Variants in CUX1 observed in about 807,000 individuals in gnomAD.
CUX1 encodes the protein cut like homeobox 1.
In CUX1, 31 loss-of-function variants were observed where a neutral mutation model predicts 158.8. The ratio of observed to expected loss-of-function variants is 0.20; its 90% CI spans 0.15 to 0.26. The LOEUF (loss-of-function observed/expected upper bound fraction) is 0.26. Ranked by LOEUF, CUX1 falls within the 10% of genes least tolerant of loss-of-function variation. The pLI is 1.00. For synonymous variants in CUX1, 879 were observed against 862.1 expected (o/e 1.02, Z -0.34); for missense variants, 1,589 against 2,014.6 (o/e 0.79, Z 4.04).
chr7:102,171,318 G>T (rs1408083849), intron 10 of CUX1, among the ~76,000 whole-genome samples: 1 of 152,144 alleles, frequency 6.6e-6, no homozygotes, highest in East Asian at 1.9e-4. Context: ...TGGGGGGTTG[G>T]TGCGAAAGTT....
chr7:102,042,956 A>AT (rs1204097231), intron 3 of CUX1, among the ~76,000 whole-genome samples: 7 of 151,560 alleles, frequency 4.6e-5, no homozygotes, highest in Admixed American at 2.0e-4. Context: ...CTAATTTTAT[A>AT]TTTTTTCGAT....
chr7:102,165,205 C>G (rs1383951276), intron 9 of CUX1, among the ~76,000 whole-genome samples: 1 of 152,114 alleles, frequency 6.6e-6, no homozygotes, highest in Non-Finnish European at 1.5e-5. Context: ...CTGTCTTTAT[C>G]CTCTGCAAGC....
chr7:102,255,284 T>G lies in CUX1; in HGVS notation c.*6242T>G. The G allele has an allele frequency of 1.0e-6, 1 of 985,372 alleles. No individual in the cohort carries two copies. Among genetic ancestry groups the G allele is most frequent in the Non-Finnish European group, 1.2e-6 (1 of 829,940 alleles). 61.0% of individuals were successfully genotyped at this position (985,372 alleles called of 1,614,324 possible). A position where few individuals can be genotyped will look rare whatever the true frequency, so the allele number is the denominator to read the frequency against. ...CGTGGCATCATCTCGAGTTTTCATT[T>G]TTGGATGAAGTGACATTTAGCTTTA... On this transcript the variant is annotated 3_prime_UTR_variant, in exon 24 of 24. Coordinates refer to ENST00000292535, the MANE Select transcript of CUX1 (RefSeq NM_181552.4).
At chr7:102,170,189 G>A (rs442030) in intron 9 of CUX1, among the ~76,000 whole-genome samples, 10,111 of 152,236 alleles carry the variant, frequency 0.066, 391 homozygotes, top group African/African-American at 0.084. Context: ...TCAGTGGGCC[G>A]GAGTATTAGT....
Position 102,256,598 on chromosome 7 carries a change from A to G in CUX1, c.*7556A>G, listed in dbSNP as rs1789918050. Reference sequence around the variant, plus strand: ...GGTCTCTATGTGTCTAACTTTTTAAATGAGAGTGTTTATGAACAAAAAAAT... The same window carrying G: ...GGTCTCTATGTGTCTAACTTTTTAAGTGAGAGTGTTTATGAACAAAAAAAT... On this transcript the variant is annotated 3_prime_UTR_variant, in exon 24 of 24. Transcript: ENST00000292535. 3.0e-6 allele frequency: 3 copies of G among 985,374 alleles called. No individual in the cohort carries two copies. The highest frequency in any genetic ancestry group is 3.6e-6 in the Non-Finnish European group (3 of 829,922). 61.0% of individuals were successfully genotyped at this position (985,374 alleles called of 1,614,324 possible).
chr7:102,134,914 T>C (rs1172116577), intron 8 of CUX1, among the ~76,000 whole-genome samples: 4 of 152,130 alleles, frequency 2.6e-5, no homozygotes, highest in African/African-American at 9.7e-5. Flanking sequence ...TTTTACTCTT[T>C]GTGTGTTTCC....
chr7:102,019,739 TG>T (rs1563138897), intron 2 of CUX1, among the ~76,000 whole-genome samples: 1 of 152,146 alleles, frequency 6.6e-6, no homozygotes, highest in Non-Finnish European at 1.5e-5. Context: ...GCATCAGCAT[TG>T]GAGACTCTGC....
At chr7:102,123,150 G>A (rs981633848) in intron 8 of CUX1, among the ~76,000 whole-genome samples, 9 of 151,976 alleles carry the variant, frequency 5.9e-5, no homozygotes, top group Non-Finnish European at 8.8e-5. Flanking sequence ...ATAATTGCTT[G>A]AACTTAGGAG....
intron 1 of CUX1, among the ~76,000 whole-genome samples, chr7:101,843,369 A>T (rs751298297): frequency 6.6e-6 from 1 of 152,194 alleles, no homozygotes; most frequent in Non-Finnish European, 1.5e-5. Context: ...GTGTTATATT[A>T]GGATTTCTGC....
In CUX1 at chr7:102,273,365, G is replaced by A. The variant is rs782025220; in HGVS notation, c.1256-1G>A. 6.2e-7 allele frequency: 1 copy of A among 1,611,546 alleles called. No homozygotes were observed. The highest frequency in any genetic ancestry group is 8.5e-7 in the Non-Finnish European group (1 of 1,179,222). Reference sequence around the variant, plus strand: ...ACGGCCATGTCTTCCTTTGGCCACAGGACGCTGTGCGGAGCTGCAAGTCCG... The same window carrying A: ...ACGGCCATGTCTTCCTTTGGCCACAAGACGCTGTGCGGAGCTGCAAGTCCG... On this transcript the variant is annotated splice_acceptor_variant, in intron 14 of 22. Transcript: ENST00000292538. LOFTEE classifies it high-confidence loss of function.
chr7:101,975,412 C>T (rs1255951474), intron 2 of CUX1, among the ~76,000 whole-genome samples: 2 of 151,434 alleles, frequency 1.3e-5, no homozygotes, highest in African/African-American at 2.4e-5. Context: ...TTTTAATCAG[C>T]TAGGCATGGT....
chr7:102,254,188 C>G lies in CUX1; in HGVS notation c.*5146C>G, dbSNP rs781915087. The G allele has an allele frequency of 1.0e-6, 1 of 985,436 alleles. No homozygotes were observed. The highest frequency in any genetic ancestry group is 1.7e-5 in the African/African-American group (1 of 57,198). 61.0% of individuals were successfully genotyped at this position (985,436 alleles called of 1,614,324 possible). A position where few individuals can be genotyped will look rare whatever the true frequency, so the allele number is the denominator to read the frequency against. On this transcript the variant is annotated 3_prime_UTR_variant, in exon 24 of 24. Coordinates refer to ENST00000292535, the MANE Select transcript of CUX1 (RefSeq NM_181552.4). ...GCAGCTGTTTCTTTTGCAGGCAGGG[C>G]GTGGTCTCGGGGCTCCGAGGGTCTT...
At chr7:102,275,776 A>G (rs1554547624) in intron 17 of CUX1, among the ~76,000 whole-genome samples, 2 of 152,176 alleles carry the variant, frequency 1.3e-5, no homozygotes, top group Non-Finnish European at 2.9e-5. Context: ...TGGGAGGCTG[A>G]GGCAAGTGGA....
At chr7:101,824,431 C>T (rs1206165266) in intron 1 of CUX1, 1 of 152,226 alleles carries the variant, frequency 6.6e-6, no homozygotes, top group Non-Finnish European at 1.5e-5. Flanking sequence ...TGTTTTGGGC[C>T]TGTAAGTTTC....
intron 2 of CUX1, among the ~76,000 whole-genome samples, chr7:101,930,092 T>C (rs1001040258): frequency 3.9e-5 from 6 of 152,234 alleles, no homozygotes; most frequent in African/African-American, 9.6e-5. Flanking sequence ...CTCACCTGCC[T>C]TGGCCTCCCA....
At chr7:101,831,027 A>G (rs2131024523) in intron 1 of CUX1, among the ~76,000 whole-genome samples, 1 of 152,198 alleles carries the variant, frequency 6.6e-6, no homozygotes, top group Admixed American at 6.5e-5. Flanking sequence ...GGGTTACCCA[A>G]AGAAATATAC....
intron 3 of CUX1, among the ~76,000 whole-genome samples, chr7:102,064,779 C>T (rs1158117445): frequency 6.6e-6 from 1 of 152,128 alleles, no homozygotes; most frequent in Non-Finnish European, 1.5e-5. Context: ...GAGGCTGCTG[C>T]TGTCCCCTCC....
At chr7:101,855,529 A>G (rs564013817) in intron 1 of CUX1, among the ~76,000 whole-genome samples, 23 of 152,354 alleles carry the variant, frequency 1.5e-4, no homozygotes, top group Admixed American at 3.3e-4. Context: ...CACGTATTTT[A>G]GAATTGAGTT....
At chr7:102,025,673 TC>T (rs1343553616) in intron 2 of CUX1, among the ~76,000 whole-genome samples, 2 of 152,102 alleles carry the variant, frequency 1.3e-5, no homozygotes, top group African/African-American at 4.8e-5. Flanking sequence ...TTATTTTTTG[TC>T]CTGGAGCCTG....
Sources: gnomAD v4.1 joint callset for allele counts (sites outside exome capture counted in the v4.1 genomes callset) on GRCh38, gnomAD v4.1.1 for gene constraint, MANE v1.5 for transcripts, NCBI Gene and HGNC (gene_info 2026-07-23, HGNC 2026-07-21) for gene names.